The following BABAM2 variants were observed in gnomAD, a reference collection of about 807,000 sequenced individuals.
BABAM2 encodes the protein BRISC and BRCA1-A complex member 2.
A neutral mutation model predicts 54.7 loss-of-function variants in BABAM2; 31 were observed. The ratio of observed to expected loss-of-function variants is 0.57; its 90% CI spans 0.43 to 0.77. BABAM2 has a LOEUF of 0.77. BABAM2 is among the 30% of genes least tolerant of loss of function. The pLI is 0.00. For synonymous variants in BABAM2, 167 were observed against 162.9 expected, an observed-to-expected ratio of 1.03 and a Z score of -0.19; for missense variants, 364 against 455.8, an observed-to-expected ratio of 0.80 and a Z score of 1.83.
chr2:28,021,577 A>G (rs963278708), intron 4 of BABAM2, among the ~76,000 whole-genome samples: 1 of 152,158 alleles, frequency 6.6e-6, no homozygotes, highest in Non-Finnish European at 1.5e-5. Flanking sequence ...CTTAACACTA[A>G]TGGGCTTGCA....
At chr2:28,105,628 C>G (rs1202239437) in intron 6 of BABAM2, among the ~76,000 whole-genome samples, 1 of 152,104 alleles carries the variant, frequency 6.6e-6, no homozygotes. Flanking sequence ...TATCTTCAAG[C>G]GTTGTTGGCG....
In BABAM2 at chr2:27,962,369, G is replaced by A. The variant is rs557528959; in HGVS notation, c.206-25624G>A. Among the ~76,000 whole-genome samples, 77 of 152,238 alleles carry A rather than the reference G, an allele frequency of 5.1e-4. 1 individual carries two copies. In the South Asian group the frequency reaches 0.016, roughly 31 times the overall value. The stretch of plus-strand genomic sequence containing the variant: ...GATCCTCCTGGCCTCCCAAAGTGGT[G>A]GGATTACAGGTGTGAGCCACTGTGC... On this transcript the variant is annotated intron_variant, in intron 3 of 11. Transcript: ENST00000379624.
chr2:28,226,626 G>A (rs1680913153), intron 7 of BABAM2, among the ~76,000 whole-genome samples: 1 of 152,128 alleles, frequency 6.6e-6, no homozygotes, highest in Admixed American at 6.5e-5. Flanking sequence ...GAGATGGAAG[G>A]GGCTTATCTT....
intron 7 of BABAM2, chr2:28,134,262 T>G (rs1670348922): frequency 6.6e-6 from 1 of 150,678 alleles, no homozygotes; most frequent in South Asian, 2.1e-4. Context: ...GGTTGAATAT[T>G]AGAAAAGGGG....
chr2:27,991,410 G>T (rs981424988), intron 4 of BABAM2, among the ~76,000 whole-genome samples: 1 of 152,032 alleles, frequency 6.6e-6, no homozygotes, highest in Non-Finnish European at 1.5e-5. Flanking sequence ...TTTATATGCC[G>T]TACAATTCAC....
intron 2 of BABAM2, among the ~76,000 whole-genome samples, chr2:27,908,688 T>C (rs1001577273): frequency 2.0e-5 from 3 of 152,232 alleles, no homozygotes; most frequent in African/African-American, 7.2e-5. Flanking sequence ...CTTCCACTTA[T>C]AAGTGAGAAC....
intron 6 of BABAM2, among the ~76,000 whole-genome samples, chr2:28,052,265 C>T (rs535269728): frequency 1.3e-5 from 2 of 148,722 alleles, no homozygotes; most frequent in South Asian, 4.2e-4. Flanking sequence ...CCAAAATAAT[C>T]ATAGAGAAGG....
chr2:27,978,022 C>G (rs972593358), intron 3 of BABAM2, among the ~76,000 whole-genome samples: 2 of 152,162 alleles, frequency 1.3e-5, no homozygotes, highest in African/African-American at 4.8e-5. Flanking sequence ...GTCACCTCTT[C>G]AAAGTTTTTC....
intron 7 of BABAM2, among the ~76,000 whole-genome samples, chr2:28,215,651 C>G (rs1269516486): frequency 1.6e-4 from 5 of 30,456 alleles, no homozygotes; most frequent in African/African-American, 4.6e-4. Context: ...TCCACTCCTT[C>G]CCTTTGTCAT....
chr2:27,997,530 GTTGCTATTATAGCTAA>G (rs1313343966), intron 4 of BABAM2, among the ~76,000 whole-genome samples: 3 of 152,116 alleles, frequency 2.0e-5, no homozygotes, highest in African/African-American at 7.2e-5. Context: ...TTCTAAAGGT[GTTGCTATTATAGCTAA>G]TTATAGATTA....
chr2:28,217,408 A>G (rs1005731281), intron 7 of BABAM2, among the ~76,000 whole-genome samples: 1 of 152,234 alleles, frequency 6.6e-6, no homozygotes, highest in African/African-American at 2.4e-5. Context: ...CAACAAGAGC[A>G]TTTCTGAGCA....
chr2:28,234,841 C>G (rs541388921), intron 7 of BABAM2, among the ~76,000 whole-genome samples: 1 of 152,200 alleles, frequency 6.6e-6, no homozygotes, highest in Non-Finnish European at 1.5e-5. Context: ...AAAGAGGAGA[C>G]AAAAAGCCTT....
intron 3 of BABAM2, among the ~76,000 whole-genome samples, chr2:27,985,248 TG>T (rs1482479087): frequency 6.6e-6 from 1 of 152,130 alleles, no homozygotes; most frequent in Non-Finnish European, 1.5e-5. Context: ...TACCCAGTGG[TG>T]GGATTGTGGA....
At chr2:27,959,609 G>A (rs1244454104) in intron 3 of BABAM2, among the ~76,000 whole-genome samples, 2 of 151,526 alleles carry the variant, frequency 1.3e-5, no homozygotes, top group Non-Finnish European at 2.9e-5. Context: ...TGTGACTTGT[G>A]TTTGCTTCTT....
At chr2:28,163,212 C>T (rs1046088573) in intron 7 of BABAM2, among the ~76,000 whole-genome samples, 6 of 152,176 alleles carry the variant, frequency 3.9e-5, no homozygotes, top group Non-Finnish European at 8.8e-5. Flanking sequence ...CTGCTTCCCC[C>T]ATGACCTTCT....
intron 11 of BABAM2, among the ~76,000 whole-genome samples, chr2:28,338,151 T>A (rs145468132): frequency 6.6e-6 from 1 of 152,300 alleles, no homozygotes; most frequent in East Asian, 1.9e-4. Flanking sequence ...CAGGCCCTTG[T>A]CTTTGTCCTG....
intron 2 of BABAM2, among the ~76,000 whole-genome samples, chr2:27,909,224 T>G (rs191087772): frequency 4.3e-4 from 65 of 151,994 alleles, no homozygotes; most frequent in Non-Finnish European, 8.1e-4. Context: ...TGTTTATTTT[T>G]TGTAGAGATA....
intron 7 of BABAM2, among the ~76,000 whole-genome samples, chr2:28,178,343 G>A (rs1456581349): frequency 6.6e-6 from 1 of 152,020 alleles, no homozygotes. Flanking sequence ...TCAAAAAGAA[G>A]AAGAACTTCA....
At chr2:28,221,078 C>T (rs537821719) in intron 7 of BABAM2, among the ~76,000 whole-genome samples, 1 of 152,144 alleles carries the variant, frequency 6.6e-6, no homozygotes, top group Non-Finnish European at 1.5e-5. Flanking sequence ...TCTCCTTTCA[C>T]CACCGCTGCT....
Sources: allele counts gnomAD v4.1 joint callset (sites outside exome capture counted in the v4.1 genomes callset), GRCh38; gene constraint gnomAD v4.1.1; transcripts MANE v1.5; gene names NCBI Gene and HGNC (gene_info 2026-07-23, HGNC 2026-07-21).